MAPK14: variants seen among roughly 807,000 people sequenced by gnomAD.
MAPK14 encodes the protein mitogen-activated protein kinase 14, also known as CSAID-binding protein.
MAPK14 carries 16 observed loss-of-function variants against 49.6 expected under a neutral mutation model. The observed-to-expected ratio is 0.32, with a 90% CI of 0.22 to 0.49. MAPK14 has a LOEUF of 0.49. Among genes scored for constraint, MAPK14 ranks in the 20% least tolerant of loss-of-function variants. The probability of loss-of-function intolerance (pLI) is 0.99; values close to 1 mark genes in which losing one functional copy is unlikely to be tolerated. For missense variants in MAPK14, 200 were observed against 441.2 expected (o/e 0.45, Z 4.90); for synonymous variants, 142 against 158.0 (o/e 0.90, Z 0.76).
chr6:36,028,038 G>T lies in MAPK14; in HGVS notation c.-120G>T. 2.0e-6 allele frequency: 1 copy of T among 508,670 alleles called. No homozygotes were observed. The highest frequency in any genetic ancestry group is 3.3e-6 in the Non-Finnish European group (1 of 299,092). The allele number at this position is 508,670 out of a possible 1,614,324, so 31.5% of individuals were successfully genotyped here. A position where few individuals can be genotyped will look rare whatever the true frequency, so the allele number is the denominator to read the frequency against. On this transcript the variant is annotated 5_prime_UTR_variant, in exon 1 of 12. Transcript: ENST00000229794. The surrounding 1 kb of genome is among the most constrained non-coding windows in gnomAD (Gnocchi z 5.1). ...GCGGGGTCGCGGCAGCCGCACCTGC[G>T]CGGGCGACCAGCGCAAGGTCCCCGC...
rs140087728 is a variant in MAPK14, at chr6:36,068,556, T to C, written c.306-4317T>C. ...CCTGTGATTGTTTTAAGCACCCTGT[T>C]TAAATATGGAATAAATGGGTTTTTT... On this transcript the variant is annotated intron_variant, in intron 3 of 11. Transcript: ENST00000229794. Among the ~76,000 whole-genome samples the C allele has an allele frequency of 7.9e-5, 12 of 152,334 alleles. No homozygotes were observed. In the East Asian group the frequency reaches 2.1e-3, roughly 27 times the overall value.
intron 1 of MAPK14, among the ~76,000 whole-genome samples, chr6:36,049,689 C>A (rs1002729428): frequency 6.6e-6 from 1 of 151,994 alleles, no homozygotes; most frequent in Non-Finnish European, 1.5e-5. Flanking sequence ...TGGCTGAAGG[C>A]GGTAAACAAG....
downstream of MAPK14, among the ~76,000 whole-genome samples, chr6:36,114,474 C>T (rs963477109): frequency 6.6e-6 from 1 of 150,724 alleles, no homozygotes; most frequent in Non-Finnish European, 1.5e-5. Context: ...AAAAATTAGC[C>T]GGGCTTGGTG....
At chr6:36,052,107 C>T (rs1350795812) in intron 1 of MAPK14, among the ~76,000 whole-genome samples, 1 of 152,090 alleles carries the variant, frequency 6.6e-6, no homozygotes, top group African/African-American at 2.4e-5. Flanking sequence ...CTGTTCTGCT[C>T]TTCCCCCATT....
At chr6:36,114,559 A>G (rs949362233), downstream of MAPK14, among the ~76,000 whole-genome samples, 1 of 151,934 alleles carries the variant, frequency 6.6e-6, no homozygotes, top group Non-Finnish European at 1.5e-5. Flanking sequence ...CGGAGGTTGC[A>G]GTGAGCCAAG....
intron 8 of MAPK14, among the ~76,000 whole-genome samples, chr6:36,086,841 A>G (rs997839046): frequency 3.4e-4 from 52 of 152,322 alleles, no homozygotes; most frequent in African/African-American, 1.2e-3. Flanking sequence ...TACAACAGAA[A>G]AAGAAAACTT....
chr6:36,064,204 C>T (rs1418207125), intron 3 of MAPK14, among the ~76,000 whole-genome samples: 8 of 151,556 alleles, frequency 5.3e-5, no homozygotes, highest in African/African-American at 1.7e-4. Flanking sequence ...TCTTGAACTC[C>T]TGGACTCAAG....
At position 36,041,636 on chromosome 6, in the gene MAPK14, C is replaced by T. The variant is rs774618584; in HGVS notation, c.117-11063C>T. ...AATGGTTCAGTTTAGATATGTGAAGCGGATGTCATCATTAGCACTGATGAC... is the reference window on the plus strand; with the variant it reads ...AATGGTTCAGTTTAGATATGTGAAGTGGATGTCATCATTAGCACTGATGAC... On this transcript the variant is annotated intron_variant, in intron 1 of 11. Transcript: ENST00000229794. Among the ~76,000 whole-genome samples the T allele has an allele frequency of 5.3e-5, 8 of 152,116 alleles. No individual in the cohort carries two copies. The South Asian group carries it at 6.2e-4, about 12-fold the overall frequency.
intron 1 of MAPK14, among the ~76,000 whole-genome samples, chr6:36,052,459 T>A (rs1763439015): frequency 6.6e-6 from 1 of 152,180 alleles, no homozygotes; most frequent in Admixed American, 6.5e-5. Flanking sequence ...GGCCCTTCAT[T>A]GAAAAAAATT....
the MAPK14 span, among the ~76,000 whole-genome samples, chr6:36,121,068 C>T: frequency 6.6e-6 from 1 of 152,054 alleles, no homozygotes; most frequent in East Asian, 1.9e-4. Context: ...CCCACCCCCC[C>T]TCCTTGGCAA....
intron 8 of MAPK14, among the ~76,000 whole-genome samples, chr6:36,092,846 C>G (rs937285458): frequency 1.1e-4 from 16 of 152,268 alleles, no homozygotes; most frequent in Admixed American, 2.0e-4. Context: ...TAGTATTTAT[C>G]AAGCTGCTCT....
intron 8 of MAPK14, among the ~76,000 whole-genome samples, chr6:36,083,974 C>T (rs1257417080): frequency 2.0e-5 from 3 of 152,216 alleles, no homozygotes; most frequent in Middle Eastern, 3.4e-3. Flanking sequence ...CCCTCTGGGA[C>T]GGAGCTCCCA....
rs1470182934 is a variant in MAPK14 at position 36,083,232 on chromosome 6, G to A, written c.682+6624G>A. On this transcript the variant is annotated intron_variant, in intron 8 of 11. Transcript: ENST00000229794. ...CAGGGTGGAGCGACAGCCCACCTGG[G>A]AGCTGCAAAGGGCAAGGGGAGCTCC... Among the ~76,000 whole-genome samples, 4 of 152,334 alleles carry A rather than the reference G, an allele frequency of 2.6e-5. No individual in the cohort carries two copies. The East Asian group carries it at 7.7e-4, about 29-fold the overall frequency.
intron 3 of MAPK14, among the ~76,000 whole-genome samples, chr6:36,067,090 CCTTGTAGATGTTTTTACAAACT>C (rs1409790967): frequency 2.0e-5 from 3 of 151,980 alleles, no homozygotes; most frequent in Non-Finnish European, 4.4e-5. Context: ...TGGCGAAACT[CCTTGTAGATGTTTTTACAAACT>C]CACATTTGAA....
At chr6:36,078,332 T>C (rs914321357) in intron 8 of MAPK14, among the ~76,000 whole-genome samples, 3 of 152,218 alleles carry the variant, frequency 2.0e-5, no homozygotes, top group African/African-American at 4.8e-5. Context: ...GTAATGGCCT[T>C]GCAAAACAGA....
chr6:36,046,315 A>G (rs1763177646), intron 1 of MAPK14, among the ~76,000 whole-genome samples: 1 of 152,212 alleles, frequency 6.6e-6, no homozygotes, highest in Non-Finnish European at 1.5e-5. Flanking sequence ...GTTAAACAGT[A>G]TGTCCTGAAT....
chr6:36,093,485 C>T (rs1765322442), intron 8 of MAPK14, among the ~76,000 whole-genome samples: 1 of 151,998 alleles, frequency 6.6e-6, no homozygotes. Flanking sequence ...TTTGGGAGGC[C>T]GAGGCAGGCG....
intron 1 of MAPK14, among the ~76,000 whole-genome samples, chr6:36,049,908 G>A (rs1763329680): frequency 6.6e-6 from 1 of 152,172 alleles, no homozygotes; most frequent in Non-Finnish European, 1.5e-5. Flanking sequence ...TAGATTTGGG[G>A]CTAAGCAAAT....
At chr6:36,099,604 C>T (rs924878644) in intron 9 of MAPK14, among the ~76,000 whole-genome samples, 3 of 152,192 alleles carry the variant, frequency 2.0e-5, no homozygotes, top group Non-Finnish European at 2.9e-5. Context: ...TCTCCTCTTT[C>T]TTCATTTACC....
Sources: allele counts gnomAD v4.1 joint callset (sites outside exome capture counted in the v4.1 genomes callset), GRCh38; gene constraint gnomAD v4.1.1; non-coding constraint Gnocchi (gnomAD v3.1); transcripts MANE v1.5; gene names NCBI Gene and HGNC (gene_info 2026-07-23, HGNC 2026-07-21).